The following ACOX3 variants were observed in gnomAD, a reference collection of about 807,000 sequenced individuals.
The protein encoded by ACOX3 is acyl-CoA oxidase 3, pristanoyl.
A neutral mutation model predicts 81.5 loss-of-function variants in ACOX3; 73 were observed. The observed-to-expected ratio is 0.90, with a 90% CI of 0.74 to 1.09. The LOEUF (loss-of-function observed/expected upper bound fraction) is 1.09. Among genes scored for constraint, ACOX3 ranks in the 50% least tolerant of loss-of-function variants. ACOX3 has a pLI of 0.00. For synonymous variants in ACOX3, 387 were observed against 375.1 expected (o/e 1.03, Z -0.37); for missense variants, 947 against 928.0 (o/e 1.02, Z -0.27).
rs772123582 is a variant in ACOX3 at position 8,370,158 on chromosome 4, G to A, written c.1983+750C>T. On this transcript the variant is annotated intron_variant, in intron 17 of 17. Coordinates refer to ENST00000356406, the MANE Select transcript of ACOX3 (RefSeq NM_003501.3). This position sits in a 1 kb window ranked among gnomAD's most constrained non-coding sequence, Gnocchi z 6.3. ...TACTGAAAGAATGGAAGGCACTCCA[G>A]GCAGCCCGAGCAGCAGGCACAAGGC... 3.3e-5 allele frequency among the ~76,000 whole-genome samples: 5 copies of A among 152,248 alleles called. No homozygotes were observed.
At chr4:8,433,795 T>C (rs549246978) in intron 1 of ACOX3, among the ~76,000 whole-genome samples, 21 of 152,018 alleles carry the variant, frequency 1.4e-4, no homozygotes, top group African/African-American at 4.8e-4. Context: ...ATATTGGAGG[T>C]TTTTGGATTT....
At chr4:8,388,341 G>C (rs1718548877) in intron 13 of ACOX3, among the ~76,000 whole-genome samples, 1 of 152,250 alleles carries the variant, frequency 6.6e-6, no homozygotes, top group African/African-American at 2.4e-5. Context: ...GCAGGCACAG[G>C]TTCTCCATCA....
At position 8,385,560 on chromosome 4, in the gene ACOX3, AGGCACAG is replaced by A. The variant is rs1273913093; in HGVS notation, c.1537+3606_1537+3612del. 1.3e-5 allele frequency among the ~76,000 whole-genome samples: 2 copies of A among 152,374 alleles called. No individual in the cohort carries two copies. ...CAGGAAGCAACAGCACAGGCCCCCA[AGGCACAG>A]GGCTGTGACACTCAGCTCAGTGCAA... On this transcript the variant is annotated intron_variant, in intron 13 of 17. Transcript: ENST00000356406. This position sits in a 1 kb window ranked among gnomAD's most constrained non-coding sequence, Gnocchi z 5.5.
intron 6 of ACOX3, among the ~76,000 whole-genome samples, chr4:8,409,252 C>T (rs1485106385): frequency 6.6e-6 from 1 of 152,252 alleles, no homozygotes; most frequent in African/African-American, 2.4e-5. Flanking sequence ...GTCTCAGAGG[C>T]CTGCAGCTCC....
rs778907411 is a variant in ACOX3 at position 8,375,023 on chromosome 4, A to G, written c.1783T>C (p.Tyr595His). 46 of 1,554,900 alleles carry G rather than the reference A, an allele frequency of 3.0e-5. No homozygotes were observed. Among genetic ancestry groups the G allele is most frequent in the Non-Finnish European group, 3.8e-5 (44 of 1,148,898 alleles). ...TGGCGGCTCAGGGACCACAGGGCGT[A>G]CAGAGCACTGAGCCGCCCCAGCACG... ...RAVLGRLSAL[Y>H]ALWSLSRHAA... The change falls in exon 15 of 18, where the codon TAC (tyrosine) becomes CAC (histidine). Residue 595 changes from tyrosine to histidine, a missense_variant. By Grantham distance (83) the Tyr-to-His change is moderately conservative (BLOSUM62 2). Coordinates refer to ENST00000356406, the MANE Select transcript of ACOX3 (RefSeq NM_003501.3).
intron 13 of ACOX3, among the ~76,000 whole-genome samples, chr4:8,388,221 G>T (rs1375422212): frequency 6.6e-6 from 1 of 152,190 alleles, no homozygotes; most frequent in African/African-American, 2.4e-5. Context: ...CACCAGCCAC[G>T]CTCCACCTCA....
chr4:8,408,278 AAAAG>A (rs1448052241), intron 6 of ACOX3, among the ~76,000 whole-genome samples: 2 of 152,082 alleles, frequency 1.3e-5, no homozygotes, highest in East Asian at 3.9e-4. Context: ...AAAAAAGAAA[AAAAG>A]AAAGAAACCT....
chr4:8,418,152 C>T (rs1722539908), intron 1 of ACOX3, among the ~76,000 whole-genome samples: 1 of 152,188 alleles, frequency 6.6e-6, no homozygotes, highest in Non-Finnish European at 1.5e-5. Context: ...GAAGATAATA[C>T]TTCCCAACTC....
intron 14 of ACOX3, among the ~76,000 whole-genome samples, chr4:8,380,876 C>T (rs1420130108): frequency 1.3e-5 from 2 of 152,150 alleles, no homozygotes; most frequent in African/African-American, 4.8e-5. Context: ...CTGCCCCCAC[C>T]GGCTGCCCCC....
In ACOX3 at chr4:8,423,104, G is replaced by C. The variant is rs2140336; in HGVS notation, c.-14-6569C>G. 6.6e-6 allele frequency among the ~76,000 whole-genome samples: 1 copy of C among 151,928 alleles called. No individual in the cohort carries two copies. Among genetic ancestry groups the C allele is most frequent in the African/African-American group, 2.4e-5 (1 of 41,332 alleles). Reference sequence around the variant, plus strand: ...CACTGGCATGGCCTTCTCAGTCTTAGTCTCTGGTCCTGGACAACCGTCCTC... The same window carrying C: ...CACTGGCATGGCCTTCTCAGTCTTACTCTCTGGTCCTGGACAACCGTCCTC... On this transcript the variant is annotated intron_variant, in intron 1 of 17. Coordinates refer to ENST00000356406, the MANE Select transcript of ACOX3 (RefSeq NM_003501.3). The surrounding 1 kb of genome is among the most constrained non-coding windows in gnomAD (Gnocchi z 4.2).
In ACOX3 at chr4:8,405,642, A is replaced by G. The variant is rs1365043240; in HGVS notation, c.776+313T>C. ...CTCAGGATGCTGAGGAGGACCTCAC[A>G]CAGAGGAGGCAGCCCCCCAGGCAGG... On this transcript the variant is annotated intron_variant, in intron 7 of 17. Coordinates refer to ENST00000356406, the MANE Select transcript of ACOX3 (RefSeq NM_003501.3). This position sits in a 1 kb window ranked among gnomAD's most constrained non-coding sequence, Gnocchi z 7.1. 6.6e-6 allele frequency among the ~76,000 whole-genome samples: 1 copy of G among 152,188 alleles called. No individual in the cohort carries two copies. Among genetic ancestry groups the G allele is most frequent in the Non-Finnish European group, 1.5e-5 (1 of 68,026 alleles).
rs1717807620 is a variant in ACOX3 at position 8,382,570 on chromosome 4, A to T, written c.1538-963T>A. Among the ~76,000 whole-genome samples, 1 of 152,226 alleles carries T rather than the reference A, an allele frequency of 6.6e-6. No homozygotes were observed. The highest frequency in any genetic ancestry group is 1.5e-5 in the Non-Finnish European group (1 of 68,034). Reference sequence around the variant, plus strand: ...AGGCTGCAGGGGCCTTCTGCCTGGCAGCCGGTCTTGCTCAGAGATCCCAGG... The same window carrying T: ...AGGCTGCAGGGGCCTTCTGCCTGGCTGCCGGTCTTGCTCAGAGATCCCAGG... On this transcript the variant is annotated intron_variant, in intron 13 of 17. Coordinates refer to ENST00000356406, the MANE Select transcript of ACOX3 (RefSeq NM_003501.3). The surrounding 1 kb of genome is among the most constrained non-coding windows in gnomAD (Gnocchi z 4.1).
intron 1 of ACOX3, among the ~76,000 whole-genome samples, chr4:8,417,037 G>C (rs978330117): frequency 6.6e-6 from 1 of 152,264 alleles, no homozygotes; most frequent in Non-Finnish European, 1.5e-5. Flanking sequence ...CTCCAGCACA[G>C]AACCTCTGAT....
rs1202881073 is a variant in ACOX3, at chr4:8,423,605, T to C, written c.-14-7070A>G. Among the ~76,000 whole-genome samples, 1 of 152,176 alleles carries C rather than the reference T, an allele frequency of 6.6e-6. No homozygotes were observed. The highest frequency in any genetic ancestry group is 2.4e-5 in the African/African-American group (1 of 41,448). Reference sequence around the variant, plus strand: ...AAACCCAATGGACAGTGGAGGTTAGTGCAAGATCTCAGGATTATCAATGAG... The same window carrying C: ...AAACCCAATGGACAGTGGAGGTTAGCGCAAGATCTCAGGATTATCAATGAG... On this transcript the variant is annotated intron_variant, in intron 1 of 17. Transcript: ENST00000356406. This position sits in a 1 kb window ranked among gnomAD's most constrained non-coding sequence, Gnocchi z 4.2.
At chr4:8,359,886 T>C in the ACOX3 span, among the ~76,000 whole-genome samples, 1 of 152,258 alleles carries the variant, frequency 6.6e-6, no homozygotes, top group African/African-American at 2.4e-5. This position sits in a 1 kb window ranked among gnomAD's most constrained non-coding sequence, Gnocchi z 6.0. Context: ...TTTGTGAGGC[T>C]AGTCTTAAGC....
chr4:8,376,654 G>T (rs1288242518), intron 14 of ACOX3, among the ~76,000 whole-genome samples: 2 of 152,148 alleles, frequency 1.3e-5, no homozygotes, highest in East Asian at 3.9e-4. Flanking sequence ...ACACTCCTGG[G>T]TGGGCCGTCC....
At chr4:8,395,364 G>A (rs1220236086) in intron 9 of ACOX3, among the ~76,000 whole-genome samples, 1 of 142,176 alleles carries the variant, frequency 7.0e-6, no homozygotes, top group Non-Finnish European at 1.6e-5. Context: ...GGGTGGATGC[G>A]TGGACAGGTG....
chr4:8,383,493 G>A (rs73209461), intron 13 of ACOX3, among the ~76,000 whole-genome samples: 1 of 152,196 alleles, frequency 6.6e-6, no homozygotes, highest in Non-Finnish European at 1.5e-5. Flanking sequence ...AGTCACAGAG[G>A]AGGCAAAGGC....
rs1329017942 is a variant in ACOX3 at position 8,406,998 on chromosome 4, G to A, written c.688-955C>T. ...GAGACTCCCTTTCCCAGTCTGCTAA[G>A]TAGCAGGTGTTTTTCCTTGACACTT... On this transcript the variant is annotated intron_variant, in intron 6 of 17. Transcript: ENST00000356406. The surrounding 1 kb of genome is among the most constrained non-coding windows in gnomAD (Gnocchi z 5.6). 6.6e-6 allele frequency among the ~76,000 whole-genome samples: 1 copy of A among 152,180 alleles called. No individual in the cohort carries two copies. Among genetic ancestry groups the A allele is most frequent in the Non-Finnish European group, 1.5e-5 (1 of 68,020 alleles).
Sources: allele counts gnomAD v4.1 joint callset (sites outside exome capture counted in the v4.1 genomes callset), GRCh38; gene constraint gnomAD v4.1.1; non-coding constraint Gnocchi (gnomAD v3.1); transcripts MANE v1.5; gene names NCBI Gene and HGNC (gene_info 2026-07-23, HGNC 2026-07-21).